STK32B: variants seen among roughly 807,000 people sequenced by gnomAD.
STK32B encodes serine/threonine-protein kinase 32B.
STK32B carries 43 observed loss-of-function variants against 52.6 expected under a neutral mutation model. The observed-to-expected ratio is 0.82, with a 90% CI of 0.64 to 1.05. The LOEUF (loss-of-function observed/expected upper bound fraction) is 1.05, where lower values mean the gene tolerates loss of function less well. STK32B is among the 50% of genes least tolerant of loss of function. The probability of loss-of-function intolerance (pLI) is 0.00; values close to 1 mark genes in which losing one functional copy is unlikely to be tolerated. For missense variants in STK32B, 621 were observed against 534.6 expected (o/e 1.16, Z -1.59); for synonymous variants, 238 against 204.3 (o/e 1.17, Z -1.41).
intron 3 of STK32B, among the ~76,000 whole-genome samples, chr4:5,200,680 A>C (rs1186580920): frequency 6.6e-6 from 1 of 152,208 alleles, no homozygotes; most frequent in Non-Finnish European, 1.5e-5. Flanking sequence ...CCTCCAGCTT[A>C]AATCTAGTTG....
Position 5,169,355 on chromosome 4 carries a change from G to A in STK32B, c.260+905G>A, listed in dbSNP as rs146892971. ...TTGAAGGGGAGAGGGAGGACAGGCCGCTTTAGGAAACAAATTCTGACCATT... is the reference window on the plus strand; with the variant it reads ...TTGAAGGGGAGAGGGAGGACAGGCCACTTTAGGAAACAAATTCTGACCATT... On this transcript the variant is annotated intron_variant, in intron 3 of 11. Transcript: ENST00000282908. Among the ~76,000 whole-genome samples the A allele has an allele frequency of 6.6e-4, 101 of 152,192 alleles. No homozygotes were observed. In the East Asian group the frequency reaches 0.015, roughly 23 times the overall value.
intron 4 of STK32B, among the ~76,000 whole-genome samples, chr4:5,351,443 G>A (rs538292545): frequency 8.6e-5 from 13 of 152,016 alleles, no homozygotes; most frequent in African/African-American, 3.1e-4. Flanking sequence ...ATGCCAAAAC[G>A]AATGGGATAC....
chr4:5,471,434 C>T (rs1467020109), intron 11 of STK32B, among the ~76,000 whole-genome samples: 4 of 152,196 alleles, frequency 2.6e-5, no homozygotes, highest in East Asian at 3.9e-4. Flanking sequence ...CCAGCATTGG[C>T]GGCCATCCAG....
intron 5 of STK32B, 125 bp from the exon 6 acceptor site, chr4:5,416,720 C>T (rs188374515): frequency 4.7e-4 from 321 of 676,290 alleles, no homozygotes; most frequent in African/African-American, 3.9e-3. Context: ...GTATCAGATA[C>T]GATAGTATTA....
intron 3 of STK32B, among the ~76,000 whole-genome samples, chr4:5,177,529 T>C (rs962326273): frequency 2.0e-5 from 3 of 152,172 alleles, no homozygotes; most frequent in African/African-American, 4.8e-5. Context: ...AGCACAATCA[T>C]GCCTTCCCAA....
At chr4:5,332,302 G>A (rs1158014063) in intron 4 of STK32B, among the ~76,000 whole-genome samples, 1 of 152,106 alleles carries the variant, frequency 6.6e-6, no homozygotes, top group African/African-American at 2.4e-5. Flanking sequence ...GATGTAGAGT[G>A]ATCGATGACT....
chr4:5,086,930 T>C (rs2108779792), intron 1 of STK32B, among the ~76,000 whole-genome samples: 1 of 152,238 alleles, frequency 6.6e-6, no homozygotes, highest in South Asian at 2.1e-4. Context: ...CTGCAACAGA[T>C]AGTAAAGAGA....
chr4:5,056,100 C>T (rs545373478), intron 1 of STK32B, among the ~76,000 whole-genome samples: 41 of 152,204 alleles, frequency 2.7e-4, no homozygotes, highest in African/African-American at 8.7e-4. Context: ...GATCAGCAGC[C>T]GCATTAGGTT....
At chr4:5,416,772 G>A (rs115033648) in intron 5 of STK32B, 73 bp from the exon 6 acceptor site, 29,431 of 1,336,964 alleles carry the variant, frequency 0.022, 432 homozygotes, top group Non-Finnish European at 0.026. Context: ...ATCTCACCTT[G>A]CAAACCACAG....
intron 3 of STK32B, among the ~76,000 whole-genome samples, chr4:5,170,176 C>G (rs1178828046): frequency 1.3e-5 from 2 of 152,124 alleles, no homozygotes; most frequent in Admixed American, 1.3e-4. Context: ...ATCTCTGAAC[C>G]TGAAGTTTTT....
intron 3 of STK32B, among the ~76,000 whole-genome samples, chr4:5,195,276 C>T (rs1721549837): frequency 6.6e-6 from 1 of 152,140 alleles, no homozygotes; most frequent in Non-Finnish European, 1.5e-5. Flanking sequence ...GCTGTTTGCT[C>T]ACATAGAAGT....
chr4:5,295,394 A>G (rs957911394), intron 3 of STK32B, among the ~76,000 whole-genome samples: 5 of 152,078 alleles, frequency 3.3e-5, no homozygotes, highest in Admixed American at 6.6e-5. Flanking sequence ...CTGTGAATCT[A>G]TATGGTCCTG....
chr4:5,293,393 T>A (rs1729006502), intron 3 of STK32B, among the ~76,000 whole-genome samples: 1 of 152,156 alleles, frequency 6.6e-6, no homozygotes, highest in African/African-American at 2.4e-5. Context: ...TTAACTAATT[T>A]TCACTCCCAC....
chr4:5,376,028 A>G (rs931706199), intron 4 of STK32B, among the ~76,000 whole-genome samples: 3 of 152,152 alleles, frequency 2.0e-5, no homozygotes, highest in Admixed American at 2.0e-4. Context: ...TGTGAGTCCA[A>G]CACTCTGGAC....
intron 3 of STK32B, among the ~76,000 whole-genome samples, chr4:5,281,265 G>T (rs889766377): frequency 6.6e-6 from 1 of 152,086 alleles, no homozygotes; most frequent in African/African-American, 2.4e-5. Context: ...GATTTTGGTG[G>T]GGACACAGCC....
chr4:5,195,652 A>G (rs1028206167), intron 3 of STK32B, among the ~76,000 whole-genome samples: 2 of 152,078 alleles, frequency 1.3e-5, no homozygotes, highest in Non-Finnish European at 2.9e-5. Flanking sequence ...GAGATCACGC[A>G]CTCTACTCCA....
At chr4:5,247,493 A>G (rs1725541760) in intron 3 of STK32B, among the ~76,000 whole-genome samples, 1 of 152,150 alleles carries the variant, frequency 6.6e-6, no homozygotes, top group East Asian at 1.9e-4. Context: ...TGACTAGGAA[A>G]GGGAATTCCC....
intron 4 of STK32B, among the ~76,000 whole-genome samples, chr4:5,357,655 A>G (rs1010303085): frequency 7.7e-6 from 1 of 130,166 alleles, no homozygotes; most frequent in East Asian, 2.5e-4. Context: ...ACATCTGGCC[A>G]TAAGAATCAA....
At chr4:5,344,948 G>A (rs1042627883) in intron 4 of STK32B, among the ~76,000 whole-genome samples, 4 of 151,924 alleles carry the variant, frequency 2.6e-5, no homozygotes, top group Non-Finnish European at 5.9e-5. Flanking sequence ...GGCTGAGATG[G>A]GAGGATCACC....
Sources: allele counts gnomAD v4.1 joint callset (sites outside exome capture counted in the v4.1 genomes callset), GRCh38; gene constraint gnomAD v4.1.1; transcripts MANE v1.5; gene names NCBI Gene and HGNC (gene_info 2026-07-23, HGNC 2026-07-21).